Variants in NRG1 observed in about 807,000 individuals in gnomAD.
The protein encoded by NRG1 is pro-neuregulin-1, membrane-bound isoform.
Under a neutral mutation model 63.8 loss-of-function variants are expected in NRG1, and 18 were observed. The ratio of observed to expected loss-of-function variants is 0.28; its 90% CI spans 0.19 to 0.42. NRG1 has a LOEUF of 0.42. Ranked by LOEUF, NRG1 falls within the 10% of genes least tolerant of loss-of-function variation. NRG1 has a pLI of 1.00. For missense variants in NRG1, 762 were observed against 814.7 expected, an observed-to-expected ratio of 0.94 and a Z score of 0.79; for synonymous variants, 302 against 301.3, an observed-to-expected ratio of 1.00 and a Z score of -0.02.
chr8:32,351,735 A>G (rs2129479804), intron 1 of NRG1, among the ~76,000 whole-genome samples: 1 of 152,274 alleles, frequency 6.6e-6, no homozygotes, highest in African/African-American at 2.4e-5. Flanking sequence ...TGGCACCCTG[A>G]CCTGACAATG....
At chr8:32,535,681 T>C (rs1252097817) in intron 1 of NRG1, among the ~76,000 whole-genome samples, 1 of 152,240 alleles carries the variant, frequency 6.6e-6, no homozygotes, top group Non-Finnish European at 1.5e-5. Context: ...TGAGGTTTGA[T>C]CATCTGCTCT....
At chr8:32,643,007 C>G (rs1236988574) in intron 5 of NRG1, among the ~76,000 whole-genome samples, 1 of 152,110 alleles carries the variant, frequency 6.6e-6, no homozygotes, top group Non-Finnish European at 1.5e-5. Flanking sequence ...CTGAGGAATT[C>G]TAGTATTTTT....
At chr8:31,938,396 G>T (rs1285431227) in intron 1 of NRG1, among the ~76,000 whole-genome samples, 1 of 152,150 alleles carries the variant, frequency 6.6e-6, no homozygotes, top group Non-Finnish European at 1.5e-5. Flanking sequence ...TGGGACAAAA[G>T]AATCTGAACA....
chr8:32,280,048 T>A (rs1852533390), intron 1 of NRG1, among the ~76,000 whole-genome samples: 2 of 152,240 alleles, frequency 1.3e-5, no homozygotes, highest in Admixed American at 6.5e-5. Flanking sequence ...TTACTTTCCA[T>A]CAACCTCTAT....
At chr8:32,486,631 T>A (rs987891824) in intron 1 of NRG1, among the ~76,000 whole-genome samples, 5 of 151,784 alleles carry the variant, frequency 3.3e-5, no homozygotes, top group Non-Finnish European at 7.4e-5. Flanking sequence ...TGCTGGATTT[T>A]TTTTTTTTTT....
intron 1 of NRG1, among the ~76,000 whole-genome samples, chr8:32,105,899 A>G (rs868598657): frequency 1.3e-5 from 2 of 152,284 alleles, no homozygotes; most frequent in African/African-American, 2.4e-5. Context: ...GACAAATTAC[A>G]TGCTTCTATT....
chr8:31,712,545 G>A (rs902947771), intron 1 of NRG1, among the ~76,000 whole-genome samples: 4 of 152,152 alleles, frequency 2.6e-5, no homozygotes, highest in Non-Finnish European at 5.9e-5. Flanking sequence ...TGGGATTACA[G>A]GTGTGAGCCA....
rs145283368 is a variant in NRG1 at position 32,250,210 on chromosome 8, C to A, written c.38-345618C>A. On this transcript the variant is annotated intron_variant, in intron 1 of 10. Transcript: ENST00000519301. ...TTACTGTTTTACCTTCCAATCAACT[C>A]CATAAAAACGGTTGATATAAAGCAT... is the stretch of plus-strand genomic sequence containing the variant. Among the ~76,000 whole-genome samples, 1,095 of 152,206 alleles carry A rather than the reference C, an allele frequency of 7.2e-3. 14 individuals are homozygous for A. Among genetic ancestry groups the A allele is most frequent in the African/African-American group, 0.025 (1,033 of 41,544 alleles).
intron 1 of NRG1, among the ~76,000 whole-genome samples, chr8:32,271,117 T>C (rs777425971): frequency 1.3e-5 from 2 of 152,118 alleles, no homozygotes; most frequent in Non-Finnish European, 2.9e-5. Context: ...TTCCTTTACC[T>C]TTTCAGCCCT....
intron 1 of NRG1, among the ~76,000 whole-genome samples, chr8:31,979,813 A>C (rs1388734322): frequency 5.3e-5 from 8 of 152,246 alleles, no homozygotes; most frequent in Non-Finnish European, 7.4e-5. Flanking sequence ...AAATATAGGC[A>C]AGAACTTAAT....
intron 1 of NRG1, among the ~76,000 whole-genome samples, chr8:32,468,287 C>A (rs1823326554): frequency 6.6e-6 from 1 of 152,112 alleles, no homozygotes; most frequent in Admixed American, 6.5e-5. Flanking sequence ...TTCCTCTTAG[C>A]TTCTGTCTGT....
intron 1 of NRG1, among the ~76,000 whole-genome samples, chr8:32,499,222 G>T (rs1373026963): frequency 6.6e-6 from 1 of 152,126 alleles, no homozygotes; most frequent in African/African-American, 2.4e-5. Flanking sequence ...CATGCAGGTG[G>T]GAGTGGGGCA....
intron 5 of NRG1, chr8:32,646,613 C>G (rs963839940): frequency 1.1e-6 from 1 of 890,116 alleles, no homozygotes; most frequent in African/African-American, 1.8e-5. Flanking sequence ...TTCTCTGACC[C>G]AACAGTGGGT....
chr8:32,278,666 C>T (rs182513251), intron 1 of NRG1, among the ~76,000 whole-genome samples: 1 of 152,240 alleles, frequency 6.6e-6, no homozygotes, highest in East Asian at 1.9e-4. Context: ...CACCACAGAC[C>T]ACTCAGATTC....
At chr8:32,312,153 G>GTTTTTTTTTTTTTTTTTT (rs767575805) in intron 1 of NRG1, among the ~76,000 whole-genome samples, 1 of 98,204 alleles carries the variant, frequency 1.0e-5, no homozygotes, top group Non-Finnish European at 2.0e-5. Flanking sequence ...ATTTGACCTT[G>GTTTTTTTTTTTTTTTTTT]TTTGTTTTTT....
At chr8:32,445,862 G>A (rs1820170473) in intron 1 of NRG1, among the ~76,000 whole-genome samples, 2 of 152,054 alleles carry the variant, frequency 1.3e-5, no homozygotes, top group Admixed American at 6.6e-5. Context: ...CTAGGCAGGA[G>A]AGAAGAGTAG....
chr8:32,764,324 A>G, exon 12 of NRG1: 2 of 1,614,010 alleles, frequency 1.2e-6, no homozygotes, highest in Non-Finnish European at 1.7e-6. Flanking sequence ...CTAACCCAGC[A>G]GGCCGCTTCT....
At chr8:32,229,257 G>A (rs62497571) in intron 1 of NRG1, among the ~76,000 whole-genome samples, 3,152 of 152,234 alleles carry the variant, frequency 0.021, 56 homozygotes, top group African/African-American at 0.051. Context: ...CAAGAAAATA[G>A]CAACCACAGG....
chr8:31,682,616 C>T (rs1163508582), intron 1 of NRG1, among the ~76,000 whole-genome samples: 4 of 151,932 alleles, frequency 2.6e-5, no homozygotes, highest in African/African-American at 9.7e-5. Flanking sequence ...TCCAACTTTC[C>T]GTGTGCCTAT....
Sources: allele counts gnomAD v4.1 joint callset (sites outside exome capture counted in the v4.1 genomes callset), GRCh38; gene constraint gnomAD v4.1.1; transcripts MANE v1.5; gene names NCBI Gene and HGNC (gene_info 2026-07-23, HGNC 2026-07-21).